Variants in PDCD6IP observed in about 807,000 individuals in gnomAD.
PDCD6IP encodes the protein programmed cell death 6-interacting protein.
PDCD6IP carries 43 observed loss-of-function variants against 103.7 expected under a neutral mutation model. That is an observed-to-expected ratio of 0.41 (90% CI 0.32 to 0.53). PDCD6IP has a LOEUF of 0.53. Among genes scored for constraint, PDCD6IP ranks in the 20% least tolerant of loss-of-function variants. The probability of loss-of-function intolerance (pLI) is 0.16; values close to 1 mark genes in which losing one functional copy is unlikely to be tolerated. For missense variants in PDCD6IP, 871 were observed against 1,036.7 expected (o/e 0.84, Z 2.20); for synonymous variants, 354 against 378.7 (o/e 0.93, Z 0.76).
In PDCD6IP at chr3:33,838,271, C is replaced by T. The variant is rs771808257; in HGVS notation, c.1125C>T (p.Ala375=). The T allele has an allele frequency of 8.7e-6, 14 of 1,612,890 alleles. No homozygotes were observed. The highest frequency in any genetic ancestry group is 3.3e-5 in the Admixed American group (2 of 60,000). The change falls in exon 9 of 18, where the codon GCC becomes GCT. Residue 375 remains alanine (A), a synonymous_variant. Coordinates refer to ENST00000307296, the MANE Select transcript of PDCD6IP (RefSeq NM_013374.6). The stretch of plus-strand genomic sequence containing the variant: ...TGGCTGCCTATAATCAGAGGAAAGC[C>T]GATTTGGTTAACAGATCAATTGCTC... ...QSLAAYNQRK[A]DLVNRSIAQM...
intron 4 of PDCD6IP, among the ~76,000 whole-genome samples, chr3:33,822,339 T>C (rs962703243): frequency 6.6e-6 from 1 of 152,174 alleles, no homozygotes; most frequent in Non-Finnish European, 1.5e-5. Flanking sequence ...TAATTGTTGG[T>C]TGAAGAAATT....
intron 3 of PDCD6IP, among the ~76,000 whole-genome samples, chr3:33,814,540 A>G (rs991611730): frequency 6.7e-5 from 10 of 150,040 alleles, no homozygotes; most frequent in African/African-American, 2.4e-4. Context: ...ATTGTAATGT[A>G]TATGTGATAT....
chr3:33,869,210 G>GTAA lies in PDCD6IP; in HGVS notation c.*2685_*2686insTAA, dbSNP rs1698133691. On this transcript the variant is annotated 3_prime_UTR_variant, in exon 18 of 18. Transcript: ENST00000307296. The stretch of plus-strand genomic sequence containing the variant: ...TATACATTTTCTAATTTCAGAAACA[G>GTAA]GATAATTTGTTAAGTGGGTTTCAGT... 7.7e-6 allele frequency: 1 copy of GTAA among 130,158 alleles called. No homozygotes were observed. The highest frequency in any genetic ancestry group is 2.9e-5 in the African/African-American group (1 of 33,996). The allele number at this position is 130,158 out of a possible 1,614,324, so 8.1% of individuals were successfully genotyped here. A position where few individuals can be genotyped will look rare whatever the true frequency, so the allele number is the denominator to read the frequency against.
At chr3:33,812,498 AG>A (rs1696742037) in intron 2 of PDCD6IP, among the ~76,000 whole-genome samples, 1 of 152,240 alleles carries the variant, frequency 6.6e-6, no homozygotes, top group Non-Finnish European at 1.5e-5. Context: ...TATTCGCACA[AG>A]TTACATTTGC....
At chr3:33,820,182 G>T (rs554164574) in intron 3 of PDCD6IP, among the ~76,000 whole-genome samples, 4 of 152,316 alleles carry the variant, frequency 2.6e-5, no homozygotes, top group African/African-American at 7.2e-5. Context: ...TACTCAGGAG[G>T]CTGAGGCAGG....
intron 3 of PDCD6IP, among the ~76,000 whole-genome samples, chr3:33,814,697 ATATATGTATG>A (rs1202057750): frequency 6.8e-6 from 1 of 146,326 alleles, no homozygotes; most frequent in Admixed American, 6.9e-5. Flanking sequence ...TGTGTATTAT[ATATATGTATG>A]TATATATGTA....
chr3:33,867,957 AG>A lies in PDCD6IP; in HGVS notation c.*1435del, dbSNP rs1015629744. The A allele has an allele frequency of 6.6e-5, 10 of 152,212 alleles. No individual in the cohort carries two copies. The highest frequency in any genetic ancestry group is 4.4e-5 in the Non-Finnish European group (3 of 68,034). The allele number at this position is 152,212 out of a possible 1,614,324, so 9.4% of individuals were successfully genotyped here. The stretch of plus-strand genomic sequence containing the variant: ...GTTCGAATGAAAGTATGATTGTAAA[AG>A]GGAGTGAATTGGTTTAAAAATATAT... On this transcript the variant is annotated 3_prime_UTR_variant, in exon 18 of 18. Coordinates refer to ENST00000307296, the MANE Select transcript of PDCD6IP (RefSeq NM_013374.6).
At position 33,843,089 on chromosome 3, in the gene PDCD6IP, A is replaced by G. The variant is rs561980793; in HGVS notation, c.1359+1015A>G. 7.9e-5 allele frequency among the ~76,000 whole-genome samples: 12 copies of G among 152,292 alleles called. No individual in the cohort carries two copies. The South Asian group carries it at 2.3e-3, about 29-fold the overall frequency. On this transcript the variant is annotated intron_variant, in intron 10 of 17. Transcript: ENST00000307296. ...TATCTTAAGACTTTGTGTCACACAGATAGTGCGGTTTCTAGTCCCAAGTTC... is the reference window on the plus strand; with the variant it reads ...TATCTTAAGACTTTGTGTCACACAGGTAGTGCGGTTTCTAGTCCCAAGTTC...
chr3:33,827,325 G>T (rs1367491648), intron 6 of PDCD6IP: 1 of 549,022 alleles, frequency 1.8e-6, no homozygotes, highest in Non-Finnish European at 2.3e-6. Flanking sequence ...TTCATCATAT[G>T]GTATCTGTTA....
chr3:33,820,583 G>A (rs1248913411), intron 3 of PDCD6IP, among the ~76,000 whole-genome samples: 1 of 152,066 alleles, frequency 6.6e-6, no homozygotes, highest in Non-Finnish European at 1.5e-5. Context: ...CACCATCCCT[G>A]ATAACCATCA....
At chr3:33,808,038 C>G (rs902670643) in intron 1 of PDCD6IP, among the ~76,000 whole-genome samples, 6 of 152,122 alleles carry the variant, frequency 3.9e-5, no homozygotes, top group Admixed American at 3.9e-4. Flanking sequence ...TTTTATTTTT[C>G]AGAGATAGAA....
chr3:33,829,631 GT>G (rs1228796223), intron 7 of PDCD6IP, among the ~76,000 whole-genome samples: 1 of 152,110 alleles, frequency 6.6e-6, no homozygotes, highest in Non-Finnish European at 1.5e-5. Context: ...AGCAAGAGCT[GT>G]TTGTATGAGT....
At chr3:33,838,397 T>C in intron 9 of PDCD6IP, 70 bp downstream of exon 9, 1 of 1,336,758 alleles carries the variant, frequency 7.5e-7, no homozygotes, top group Non-Finnish European at 1.1e-6. Context: ...AACATTTTAG[T>C]TTCTGAGCTT....
intron 1 of PDCD6IP, among the ~76,000 whole-genome samples, chr3:33,802,770 G>A (rs978275345): frequency 3.3e-5 from 5 of 152,182 alleles, no homozygotes; most frequent in Admixed American, 6.5e-5. Flanking sequence ...GATTACAGGC[G>A]TGAGCCACTG....
chr3:33,864,970 C>G (rs764425343), intron 16 of PDCD6IP, among the ~76,000 whole-genome samples: 1 of 152,090 alleles, frequency 6.6e-6, no homozygotes, highest in Non-Finnish European at 1.5e-5. Context: ...TGTGCTGCTT[C>G]CTTCCACCTC....
chr3:33,854,320 T>C (rs757886176), intron 14 of PDCD6IP, among the ~76,000 whole-genome samples: 26 of 152,098 alleles, frequency 1.7e-4, no homozygotes, highest in Non-Finnish European at 3.5e-4. Context: ...GTTGACTAAT[T>C]TGATGAATTT....
chr3:33,810,657 A>T lies in PDCD6IP; in HGVS notation c.210-1415A>T, dbSNP rs143652480. On this transcript the variant is annotated intron_variant, in intron 1 of 17. Coordinates refer to ENST00000307296, the MANE Select transcript of PDCD6IP (RefSeq NM_013374.6). Reference sequence around the variant, plus strand: ...GCTACCTTTAAAAAATGAGTTAAAAACTAGCTGGGTGTGGTGACATGCACC... The same window carrying T: ...GCTACCTTTAAAAAATGAGTTAAAATCTAGCTGGGTGTGGTGACATGCACC... 3.1e-3 allele frequency among the ~76,000 whole-genome samples: 468 copies of T among 152,260 alleles called. 2 individuals are homozygous for T. Among genetic ancestry groups the T allele is most frequent in the Non-Finnish European group, 4.7e-3 (322 of 68,024 alleles).
In PDCD6IP at chr3:33,825,309, T is replaced by C; in HGVS notation, c.585T>C (p.Ala195=). Residue 195 remains alanine, a synonymous_variant, in exon 5 of 18, where the codon GCT becomes GCC. Coordinates refer to ENST00000307296, the MANE Select transcript of PDCD6IP (RefSeq NM_013374.6). ...GTLSLIMLAQ[A]QEVFFLKATR... The stretch of plus-strand genomic sequence containing the variant: ...TCAGTCTTATTATGCTGGCACAGGC[T>C]CAAGAAGTATTTTTTTTAAAAGCCA... The C allele has an allele frequency of 6.2e-7, 1 of 1,604,634 alleles. No homozygotes were observed.
Position 33,841,901 on chromosome 3 carries a change from C to T in PDCD6IP, c.1186C>T (p.Leu396=), listed in dbSNP as rs771965896. The T allele has an allele frequency of 1.1e-5, 17 of 1,559,616 alleles. No individual in the cohort carries two copies. The highest frequency in any genetic ancestry group is 1.0e-4 in the South Asian group (9 of 85,976). ...CATAGTATCTCATTTTTTCAGGGTG[C>T]TAGCTTCCCTTAATCTTCCAGCAGC... ...REATTLANGV[L]ASLNLPAAIE... is the part of the protein sequence containing the mutation. The change falls in exon 10 of 18, where the codon CTA becomes TTA. Residue 396 remains leucine (L), a synonymous_variant. Transcript: ENST00000307296.
Sources: gnomAD v4.1 joint callset for allele counts (sites outside exome capture counted in the v4.1 genomes callset) on GRCh38, gnomAD v4.1.1 for gene constraint, MANE v1.5 for transcripts, NCBI Gene and HGNC (gene_info 2026-07-23, HGNC 2026-07-21) for gene names.